The following GABPA variants were observed in gnomAD, a reference collection of about 807,000 sequenced individuals.
GABPA encodes the protein GA binding protein transcription factor subunit alpha.
In GABPA, 4 loss-of-function variants were observed where a neutral mutation model predicts 59.4. That is an observed-to-expected ratio of 0.07 (90% confidence interval 0.03 to 0.15). The LOEUF (loss-of-function observed/expected upper bound fraction) is 0.15. Ranked by LOEUF, GABPA falls within the 10% of genes least tolerant of loss-of-function variation. GABPA has a pLI of 1.00. For missense variants in GABPA, 251 were observed against 543.8 expected, an observed-to-expected ratio of 0.46 and a Z score of 5.36; for synonymous variants, 164 against 183.1, an observed-to-expected ratio of 0.90 and a Z score of 0.84.
intron 1 of GABPA, among the ~76,000 whole-genome samples, chr21:25,739,246 GAT>G (rs2035157716): frequency 6.6e-6 from 1 of 152,224 alleles, no homozygotes; most frequent in Non-Finnish European, 1.5e-5. Flanking sequence ...CATAGTTGGA[GAT>G]ATTGAGAACT....
In GABPA at chr21:25,735,552, G is replaced by A. The variant is rs1601099374; in HGVS notation, c.-53G>A. On this transcript the variant is annotated 5_prime_UTR_variant, in exon 1 of 10. Transcript: ENST00000400075. ...CTCAGCCGGCTCTGGAGTGCGGGCG[G>A]GGGCGACAGGGCCGATTCCGGAGTG... 1 of 153,044 alleles carries A rather than the reference G, an allele frequency of 6.5e-6. No individual in the cohort carries two copies. Among genetic ancestry groups the A allele is most frequent in the Non-Finnish European group, 1.5e-5 (1 of 68,138 alleles). 9.5% of individuals were successfully genotyped at this position (153,044 alleles called of 1,614,324 possible).
At chr21:25,752,385 T>G in intron 5 of GABPA, 151 bp downstream of exon 5, 1 of 868,532 alleles carries the variant, frequency 1.2e-6, no homozygotes, top group Non-Finnish European at 1.7e-6. Context: ...TAACGCACAT[T>G]TAAGCTCATG....
rs753655053 is a variant in GABPA at position 25,758,154 on chromosome 21, G to A, written c.698G>A (p.Arg233Gln). Residue 233 changes from arginine to glutamine, a missense_variant, in exon 6 of 10, where the codon CGG (arginine) becomes CAG (glutamine). Coordinates refer to ENST00000400075, the MANE Select transcript of GABPA (RefSeq NM_002040.4). The stretch of plus-strand genomic sequence containing the variant: ...CTCAACCAAGAAGATTTTTTTCAGC[G>A]GGTTCCTCGGGGAGAAATTCTCTGG... Reference protein sequence around the residue: ...CSLNQEDFFQRVPRGEILWSH... With the variant: ...CSLNQEDFFQQVPRGEILWSH... The A allele has an allele frequency of 8.7e-6, 14 of 1,607,946 alleles. No individual in the cohort carries two copies. Among genetic ancestry groups the A allele is most frequent in the East Asian group, 4.5e-5 (2 of 44,542 alleles).
chr21:25,748,683 C>T (rs192176600), intron 3 of GABPA, among the ~76,000 whole-genome samples: 10 of 152,194 alleles, frequency 6.6e-5, no homozygotes, highest in African/African-American at 2.4e-4. Flanking sequence ...ACTAATTAAA[C>T]ACTTTTACTT....
In GABPA at chr21:25,769,967, A is replaced by G. The variant is rs1178628159; in HGVS notation, c.*735A>G. 1 of 152,620 alleles carries G rather than the reference A, an allele frequency of 6.6e-6. No homozygotes were observed. The highest frequency in any genetic ancestry group is 1.5e-5 in the Non-Finnish European group (1 of 68,002). The allele number at this position is 152,620 out of a possible 1,614,324, so 9.5% of individuals were successfully genotyped here. On this transcript the variant is annotated 3_prime_UTR_variant, in exon 10 of 10. Transcript: ENST00000400075. Reference sequence around the variant, plus strand: ...GAGAGGCATTTAATTCTAATAAACCAGCTGTTATAAAAATTATAAAATGAT... The same window carrying G: ...GAGAGGCATTTAATTCTAATAAACCGGCTGTTATAAAAATTATAAAATGAT...
chr21:25,768,048 T>C (rs2035933362), intron 9 of GABPA, among the ~76,000 whole-genome samples: 1 of 152,110 alleles, frequency 6.6e-6, no homozygotes, highest in African/African-American at 2.4e-5. Context: ...CTGCCAGTCG[T>C]GGAAAGAGCT....
At chr21:25,763,047 G>A (rs1006385130) in intron 7 of GABPA, 2 of 372,772 alleles carry the variant, frequency 5.4e-6, no homozygotes, top group African/African-American at 4.4e-5. Flanking sequence ...CATCTATATT[G>A]GGTACTGTAC....
At chr21:25,756,708 A>C (rs574817084) in intron 5 of GABPA, among the ~76,000 whole-genome samples, 2 of 152,142 alleles carry the variant, frequency 1.3e-5, no homozygotes, top group East Asian at 3.9e-4. Context: ...TATAGCTGTT[A>C]TTGCTTTGTC....
intron 2 of GABPA, among the ~76,000 whole-genome samples, 183 bp from the exon 3 acceptor site, chr21:25,745,027 A>G (rs959709149): frequency 2.6e-5 from 4 of 152,242 alleles, no homozygotes; most frequent in African/African-American, 7.2e-5. Context: ...GCATTTCTCT[A>G]TGAAATTCAG....
intron 1 of GABPA, among the ~76,000 whole-genome samples, chr21:25,740,591 T>A (rs535280794): frequency 1.3e-5 from 2 of 152,374 alleles, no homozygotes; most frequent in Admixed American, 6.5e-5. Context: ...TTAGCATTTT[T>A]AAAATTCTAA....
intron 3 of GABPA, among the ~76,000 whole-genome samples, chr21:25,746,831 G>C (rs1267783565): frequency 1.3e-5 from 2 of 152,124 alleles, no homozygotes; most frequent in Non-Finnish European, 2.9e-5. Context: ...ATGCTCACTT[G>C]GGTAGGTAAA....
chr21:25,754,494 A>G (rs549148927), intron 5 of GABPA, among the ~76,000 whole-genome samples: 1 of 152,188 alleles, frequency 6.6e-6, no homozygotes, highest in African/African-American at 2.4e-5. Flanking sequence ...TGTTTTTAAT[A>G]TAACCTATCT....
rs71651665 is a variant in GABPA, at chr21:25,771,524, C to T, written c.*2292C>T. ...TCCAGTTGATTCAAGAAACTCATTA[C>T]TTTGCCTCAAATTATATGTAAAATA... On this transcript the variant is annotated 3_prime_UTR_variant, in exon 10 of 10. Coordinates refer to ENST00000400075, the MANE Select transcript of GABPA (RefSeq NM_002040.4). 0.012 allele frequency: 1,893 copies of T among 151,838 alleles called. 52 individuals carry two copies. Among genetic ancestry groups the T allele is most frequent in the African/African-American group, 0.043 (1,804 of 41,476 alleles). The allele number at this position is 151,838 out of a possible 1,614,324, so 9.4% of individuals were successfully genotyped here. A position where few individuals can be genotyped will look rare whatever the true frequency, so the allele number is the denominator to read the frequency against.
Position 25,738,114 on chromosome 21 carries a change from C to G in GABPA, c.-27+2536C>G, listed in dbSNP as rs71649657. Among the ~76,000 whole-genome samples, 625 of 152,284 alleles carry G rather than the reference C, an allele frequency of 4.1e-3. 12 individuals carry two copies. Among genetic ancestry groups the G allele is most frequent in the Admixed American group, 0.033 (502 of 15,294 alleles). On this transcript the variant is annotated intron_variant, in intron 1 of 9. Transcript: ENST00000400075. The stretch of plus-strand genomic sequence containing the variant: ...GTATGAGTATGCTTGATATACTTTT[C>G]TCCAGAATGTCTACACCTGTGTGTA...
chr21:25,739,232 A>G (rs758613396), intron 1 of GABPA, among the ~76,000 whole-genome samples: 1 of 152,186 alleles, frequency 6.6e-6, no homozygotes, highest in African/African-American at 2.4e-5. Flanking sequence ...AAAACCAGCT[A>G]CCCCATAGTT....
chr21:25,764,557 A>C (rs748237091), intron 8 of GABPA, 38 bp from the exon 9 acceptor site: 2 of 1,570,270 alleles, frequency 1.3e-6, no homozygotes, highest in Non-Finnish European at 1.7e-6. Context: ...CTAATCTATA[A>C]CACTATAGCT....
chr21:25,755,478 T>C (rs2035614143), intron 5 of GABPA, among the ~76,000 whole-genome samples: 2 of 146,866 alleles, frequency 1.4e-5, no homozygotes, highest in African/African-American at 5.0e-5. Flanking sequence ...GTTTCAAACG[T>C]GTCAATATTT....
intron 9 of GABPA, 26 bp from the exon 10 acceptor site, chr21:25,768,978 T>A (rs753216796): frequency 6.7e-7 from 1 of 1,497,710 alleles, no homozygotes; most frequent in Non-Finnish European, 9.2e-7. Flanking sequence ...TTCTGAAGTC[T>A]CTAATTTTTT....
intron 3 of GABPA, among the ~76,000 whole-genome samples, chr21:25,748,075 T>C (rs889329558): frequency 2.0e-5 from 3 of 152,016 alleles, no homozygotes; most frequent in African/African-American, 7.3e-5. Context: ...CCTAGCTAAT[T>C]TTTGTATTTG....
Sources: allele counts gnomAD v4.1 joint callset (sites outside exome capture counted in the v4.1 genomes callset), GRCh38; gene constraint gnomAD v4.1.1; transcripts MANE v1.5; gene names NCBI Gene and HGNC (gene_info 2026-07-23, HGNC 2026-07-21).